Variants in PDE4D observed in about 807,000 individuals in gnomAD.
The protein encoded by PDE4D is 3',5'-cyclic-AMP phosphodiesterase 4D.
Under a neutral mutation model 87.4 loss-of-function variants are expected in PDE4D, and 24 were observed. The ratio of observed to expected loss-of-function variants is 0.27; its 90% confidence interval spans 0.20 to 0.39. The LOEUF is 0.39. Among genes scored for constraint, PDE4D ranks in the 10% least tolerant of loss-of-function variants. The pLI, the probability that PDE4D is intolerant of heterozygous loss-of-function variation, is 1.00. For synonymous variants in PDE4D, 384 were observed against 383.2 expected (o/e 1.00, Z -0.02); for missense variants, 714 against 1,041.0 (o/e 0.69, Z 4.32).
intron 1 of PDE4D, among the ~76,000 whole-genome samples, chr5:60,519,255 TCA>T: frequency 6.6e-6 from 1 of 152,330 alleles, no homozygotes; most frequent in East Asian, 1.9e-4. Context: ...TAAAAAGAAC[TCA>T]GTTTCTACTT....
intron 1 of PDE4D, among the ~76,000 whole-genome samples, chr5:60,273,357 C>T (rs576973701): frequency 3.4e-4 from 51 of 152,190 alleles, no homozygotes; most frequent in Non-Finnish European, 6.2e-4. Flanking sequence ...ATGGTACATA[C>T]GGAAAATGCA....
intron 1 of PDE4D, among the ~76,000 whole-genome samples, chr5:59,221,631 CAA>C (rs112459637): frequency 2.7e-5 from 4 of 145,824 alleles, no homozygotes; most frequent in Non-Finnish European, 4.5e-5. Flanking sequence ...GACTCTGTCT[CAA>C]AAAAAAAAGT....
At chr5:59,755,894 A>G (rs1761145073) in intron 1 of PDE4D, among the ~76,000 whole-genome samples, 2 of 151,320 alleles carry the variant, frequency 1.3e-5, no homozygotes, top group Admixed American at 6.6e-5. Context: ...TACTAATAAC[A>G]TGAAGAGGAA....
chr5:59,979,852 G>T (rs1023523408), intron 3 of PDE4D, among the ~76,000 whole-genome samples: 1 of 152,052 alleles, frequency 6.6e-6, no homozygotes, highest in Non-Finnish European at 1.5e-5. Flanking sequence ...GGGGAAGTGT[G>T]TTTAACCCAA....
intron 6 of PDE4D, among the ~76,000 whole-genome samples, chr5:59,017,930 G>C (rs528332949): frequency 1.1e-4 from 16 of 152,326 alleles, no homozygotes; most frequent in African/African-American, 3.4e-4. Flanking sequence ...ATGTAAAATA[G>C]TGTAGAGCAT....
chr5:59,738,491 CT>C (rs1758393551), intron 1 of PDE4D, among the ~76,000 whole-genome samples: 1 of 151,922 alleles, frequency 6.6e-6, no homozygotes, highest in African/African-American at 2.4e-5. Flanking sequence ...GGAACTGTCT[CT>C]TTTGAATACA....
chr5:60,172,265 TACACACACACACAC>T (rs58938460), intron 2 of PDE4D, among the ~76,000 whole-genome samples: 5 of 140,964 alleles, frequency 3.5e-5, no homozygotes, highest in African/African-American at 1.3e-4. Context: ...AGTACTTCAA[TACACACACACACAC>T]ACACACACAC....
In PDE4D at chr5:59,269,891, C is replaced by T. The variant is rs113130899; in HGVS notation, c.456-53923G>A. On this transcript the variant is annotated intron_variant, in intron 1 of 14. Coordinates refer to ENST00000340635, the MANE Select transcript of PDE4D (RefSeq NM_001104631.2). Reference sequence around the variant, plus strand: ...ATAAAAAATGTCCCATTGAAATAAACGTGTTTAAAATCCATTGACCTGCCT... The same window carrying T: ...ATAAAAAATGTCCCATTGAAATAAATGTGTTTAAAATCCATTGACCTGCCT... 2.3e-4 allele frequency among the ~76,000 whole-genome samples: 35 copies of T among 152,074 alleles called. 2 individuals are homozygous for T. Among genetic ancestry groups the T allele is most frequent in the African/African-American group, 5.3e-4 (22 of 41,500 alleles).
chr5:59,501,608 G>C (rs1319090896), intron 1 of PDE4D, among the ~76,000 whole-genome samples: 2 of 152,096 alleles, frequency 1.3e-5, no homozygotes, highest in African/African-American at 4.8e-5. Flanking sequence ...AGACTTTCCA[G>C]ACAGAAAAAA....
At chr5:59,487,189 C>T (rs576947226) in intron 1 of PDE4D, among the ~76,000 whole-genome samples, 2 of 152,128 alleles carry the variant, frequency 1.3e-5, no homozygotes, top group Non-Finnish European at 2.9e-5. Context: ...GGCAAAGGAG[C>T]GTCTAAGAAG....
intron 1 of PDE4D, among the ~76,000 whole-genome samples, chr5:60,278,955 A>T (rs1751628801): frequency 6.6e-6 from 1 of 152,204 alleles, no homozygotes; most frequent in African/African-American, 2.4e-5. Context: ...TTGGTATAAG[A>T]ATAATTTATT....
At chr5:59,591,974 G>A (rs1825982615) in intron 1 of PDE4D, among the ~76,000 whole-genome samples, 1 of 152,066 alleles carries the variant, frequency 6.6e-6, no homozygotes, top group Non-Finnish European at 1.5e-5. Context: ...TCACATGTGT[G>A]TATGTATGTG....
At chr5:59,142,712 G>A (rs983312227) in intron 5 of PDE4D, among the ~76,000 whole-genome samples, 2 of 152,150 alleles carry the variant, frequency 1.3e-5, no homozygotes, top group African/African-American at 4.8e-5. Context: ...CCAGGCGGGC[G>A]GATCATGAGG....
At chr5:60,287,889 G>T (rs563387335) in intron 1 of PDE4D, among the ~76,000 whole-genome samples, 1 of 152,290 alleles carries the variant, frequency 6.6e-6, no homozygotes, top group East Asian at 1.9e-4. Context: ...AGCTCCAAGA[G>T]GGAGGTACCT....
intron 1 of PDE4D, among the ~76,000 whole-genome samples, chr5:59,763,046 T>C (rs888719490): frequency 2.6e-5 from 4 of 151,278 alleles, no homozygotes; most frequent in African/African-American, 9.7e-5. Flanking sequence ...GATTTCAGGA[T>C]CCTCTGCGAA....
intron 5 of PDE4D, among the ~76,000 whole-genome samples, chr5:59,085,030 C>T (rs1767412504): frequency 6.6e-6 from 1 of 151,966 alleles, no homozygotes; most frequent in Non-Finnish European, 1.5e-5. Context: ...AAATATTGGG[C>T]AATTCTTTAG....
intron 1 of PDE4D, among the ~76,000 whole-genome samples, chr5:59,791,132 T>A (rs901950453): frequency 3.9e-5 from 6 of 152,186 alleles, no homozygotes; most frequent in African/African-American, 9.7e-5. Flanking sequence ...TCCTAATTGT[T>A]CCTAATGTCA....
intron 1 of PDE4D, among the ~76,000 whole-genome samples, chr5:59,695,436 G>A (rs75729380): frequency 1.3e-5 from 2 of 152,004 alleles, no homozygotes; most frequent in African/African-American, 2.4e-5. Flanking sequence ...TGAAATAGCC[G>A]AATTGTTTCA....
intron 1 of PDE4D, among the ~76,000 whole-genome samples, chr5:59,299,219 G>T (rs1402828533): frequency 6.6e-6 from 1 of 152,128 alleles, no homozygotes; most frequent in Non-Finnish European, 1.5e-5. Flanking sequence ...AAATAACCTG[G>T]GAGTGGTGGA....
Sources: gnomAD v4.1 joint callset for allele counts (sites outside exome capture counted in the v4.1 genomes callset) on GRCh38, gnomAD v4.1.1 for gene constraint, MANE v1.5 for transcripts, NCBI Gene and HGNC (gene_info 2026-07-23, HGNC 2026-07-21) for gene names.